The following BICC1 variants were observed in gnomAD, a reference collection of about 807,000 sequenced individuals.
BICC1 encodes protein bicaudal C homolog 1.
BICC1 carries 43 observed loss-of-function variants against 111.0 expected under a neutral mutation model. The ratio of observed to expected loss-of-function variants is 0.39; its 90% CI spans 0.30 to 0.50. The LOEUF (loss-of-function observed/expected upper bound fraction) is 0.50. Ranked by LOEUF, BICC1 falls within the 20% of genes least tolerant of loss-of-function variation. The probability of loss-of-function intolerance (pLI) is 0.88; values close to 1 mark genes in which losing one functional copy is unlikely to be tolerated. For synonymous variants in BICC1, 467 were observed against 434.4 expected, an observed-to-expected ratio of 1.07 and a Z score of -0.93; for missense variants, 1,091 against 1,203.2, an observed-to-expected ratio of 0.91 and a Z score of 1.38.
intron 1 of BICC1, among the ~76,000 whole-genome samples, chr10:58,524,232 G>A (rs913703441): frequency 2.0e-5 from 3 of 152,054 alleles, no homozygotes; most frequent in East Asian, 3.9e-4. Context: ...AAAAAAGCCC[G>A]CATTGCCAAG....
At chr10:58,644,739 A>G (rs1838218094) in intron 2 of BICC1, among the ~76,000 whole-genome samples, 3 of 152,250 alleles carry the variant, frequency 2.0e-5, no homozygotes, top group Admixed American at 2.0e-4. Context: ...AGCTTATAAA[A>G]AGAAAAAAAT....
chr10:58,681,866 T>C (rs1839534369), intron 2 of BICC1, among the ~76,000 whole-genome samples: 1 of 137,712 alleles, frequency 7.3e-6, no homozygotes, highest in Admixed American at 7.0e-5. Flanking sequence ...GCTCTCTCTT[T>C]CTTTTTTTTT....
At chr10:58,593,279 A>G (rs1056652632) in intron 1 of BICC1, among the ~76,000 whole-genome samples, 2 of 151,994 alleles carry the variant, frequency 1.3e-5, no homozygotes, top group East Asian at 3.9e-4. Context: ...TCCCTGGAAC[A>G]GAGCACCTAG....
At chr10:58,791,413 A>G (rs891688716) in intron 8 of BICC1, among the ~76,000 whole-genome samples, 3 of 152,208 alleles carry the variant, frequency 2.0e-5, no homozygotes, top group African/African-American at 7.2e-5. Context: ...TTTAAATACC[A>G]TCACCATTTT....
chr10:58,769,218 TGTG>T (rs1251451279), intron 3 of BICC1, among the ~76,000 whole-genome samples: 3 of 151,526 alleles, frequency 2.0e-5, no homozygotes, highest in Admixed American at 2.0e-4. Context: ...TAGTGTACAG[TGTG>T]GTGACTATAG....
chr10:58,576,763 T>G (rs1844125208), intron 1 of BICC1, among the ~76,000 whole-genome samples: 1 of 152,214 alleles, frequency 6.6e-6, no homozygotes, highest in Non-Finnish European at 1.5e-5. Context: ...CAGATGACAT[T>G]GTTCTGAATC....
At chr10:58,564,617 A>G (rs551706812) in intron 1 of BICC1, among the ~76,000 whole-genome samples, 3 of 152,244 alleles carry the variant, frequency 2.0e-5, no homozygotes, top group African/African-American at 7.2e-5. Flanking sequence ...CCCCTTGTTC[A>G]TTGTTATGGA....
chr10:58,802,759 A>G (rs1219903791), intron 14 of BICC1, among the ~76,000 whole-genome samples: 1 of 152,182 alleles, frequency 6.6e-6, no homozygotes, highest in Non-Finnish European at 1.5e-5. Flanking sequence ...GCAGTATACC[A>G]TATATACTAT....
intron 17 of BICC1, among the ~76,000 whole-genome samples, chr10:58,810,844 T>C (rs890103063): frequency 1.3e-5 from 2 of 152,154 alleles, no homozygotes; most frequent in African/African-American, 4.8e-5. Flanking sequence ...TAAAGCCAAA[T>C]GAACAAGGAG....
intron 3 of BICC1, among the ~76,000 whole-genome samples, chr10:58,770,951 C>T (rs981593641): frequency 1.3e-5 from 2 of 152,140 alleles, no homozygotes; most frequent in Non-Finnish European, 2.9e-5. Context: ...CATTTAGTTA[C>T]TAATAACTAA....
In BICC1 at chr10:58,523,443, C is replaced by T. The variant is rs533647336; in HGVS notation, c.190+10110C>T. Among the ~76,000 whole-genome samples the T allele has an allele frequency of 3.3e-3, 495 of 152,160 alleles. 1 individual carries two copies. The highest frequency in any genetic ancestry group is 6.7e-3 in the Admixed American group (102 of 15,276). ...TAATCCAACGTATAAACAGAACCAA[C>T]GACAAAAACCATATGATTATCTCAA... On this transcript the variant is annotated intron_variant, in intron 1 of 20. Transcript: ENST00000373886.
intron 2 of BICC1, among the ~76,000 whole-genome samples, chr10:58,627,293 A>G (rs998219391): frequency 2.0e-5 from 3 of 152,222 alleles, no homozygotes; most frequent in African/African-American, 7.2e-5. Context: ...TAGGTCTTTT[A>G]AGAAGGGTCA....
chr10:58,539,249 AACTG>A, intron 1 of BICC1, among the ~76,000 whole-genome samples: 1 of 151,934 alleles, frequency 6.6e-6, no homozygotes, highest in East Asian at 1.9e-4. Flanking sequence ...ACTGGGATGG[AACTG>A]GAGGCTATTA....
chr10:58,598,554 C>G (rs1844911876), intron 1 of BICC1, among the ~76,000 whole-genome samples: 1 of 152,094 alleles, frequency 6.6e-6, no homozygotes, highest in Non-Finnish European at 1.5e-5. Context: ...CATAAAAATC[C>G]TAGAAGAAAA....
chr10:58,729,362 T>C (rs763389662), intron 3 of BICC1, among the ~76,000 whole-genome samples: 3 of 152,370 alleles, frequency 2.0e-5, no homozygotes, highest in South Asian at 2.1e-4. Flanking sequence ...TTAAACTTTA[T>C]GAACCTGTCA....
At chr10:58,656,281 C>G (rs976935822) in intron 2 of BICC1, among the ~76,000 whole-genome samples, 53 of 151,288 alleles carry the variant, frequency 3.5e-4, no homozygotes, top group African/African-American at 1.1e-3. Flanking sequence ...CAAGGAGGAA[C>G]TGGTACCATT....
intron 15 of BICC1, among the ~76,000 whole-genome samples, chr10:58,803,618 G>T (rs7084448): frequency 0.026 from 3,950 of 152,226 alleles, 172 homozygotes; most frequent in African/African-American, 0.089. Flanking sequence ...TCTATGTAAT[G>T]AAGATGATGA....
intron 18 of BICC1, among the ~76,000 whole-genome samples, chr10:58,816,367 G>T (rs1844088026): frequency 6.6e-6 from 1 of 152,046 alleles, no homozygotes. Context: ...CTTGGGGTTT[G>T]GTTTTGGGTC....
At chr10:58,754,202 G>C (rs1842073902) in intron 3 of BICC1, among the ~76,000 whole-genome samples, 1 of 152,138 alleles carries the variant, frequency 6.6e-6, no homozygotes, top group Non-Finnish European at 1.5e-5. Context: ...ACATAGCTCT[G>C]TATAATGTTG....
Sources: allele counts gnomAD v4.1 joint callset (sites outside exome capture counted in the v4.1 genomes callset), GRCh38; gene constraint gnomAD v4.1.1; transcripts MANE v1.5; gene names NCBI Gene and HGNC (gene_info 2026-07-23, HGNC 2026-07-21).